KCNIP4: variants seen among roughly 807,000 people sequenced by gnomAD.
KCNIP4 encodes Kv channel-interacting protein 4.
In KCNIP4, 12 loss-of-function variants were observed where a neutral mutation model predicts 34.0. The ratio of observed to expected loss-of-function variants is 0.35; its 90% CI spans 0.23 to 0.57. The LOEUF (loss-of-function observed/expected upper bound fraction) is 0.57. KCNIP4 is among the 20% of genes least tolerant of loss of function. The probability of loss-of-function intolerance (pLI) is 0.83; values close to 1 mark genes in which losing one functional copy is unlikely to be tolerated. For synonymous variants in KCNIP4, 124 were observed against 102.2 expected, an observed-to-expected ratio of 1.21 and a Z score of -1.29; for missense variants, 238 against 311.7, an observed-to-expected ratio of 0.76 and a Z score of 1.78.
intron 1 of KCNIP4, among the ~76,000 whole-genome samples, chr4:21,087,065 C>T (rs555921353): frequency 3.3e-5 from 5 of 151,064 alleles, no homozygotes; most frequent in Admixed American, 3.3e-4. Flanking sequence ...CTGCAACCTC[C>T]ACCTCCCTGA....
At chr4:20,844,211 A>T (rs538368779) in intron 3 of KCNIP4, among the ~76,000 whole-genome samples, 42 of 152,308 alleles carry the variant, frequency 2.8e-4, no homozygotes, top group Non-Finnish European at 5.0e-4. Flanking sequence ...CAGTCTATGG[A>T]AGTCAAAAGG....
intron 1 of KCNIP4, among the ~76,000 whole-genome samples, chr4:21,715,856 G>A (rs1714335962): frequency 6.6e-6 from 1 of 151,940 alleles, no homozygotes; most frequent in Non-Finnish European, 1.5e-5. Context: ...TCTTTTCTTT[G>A]TGCTTCTGAT....
chr4:21,334,055 C>A (rs1190662476), intron 1 of KCNIP4, among the ~76,000 whole-genome samples: 5 of 151,988 alleles, frequency 3.3e-5, no homozygotes, highest in Admixed American at 2.6e-4. Context: ...TTTAAGAAAC[C>A]AGCTACAAAA....
chr4:21,882,675 G>GGCT (rs1233477177), intron 1 of KCNIP4, among the ~76,000 whole-genome samples: 2 of 152,054 alleles, frequency 1.3e-5, no homozygotes, highest in Non-Finnish European at 2.9e-5. Context: ...TCTTTCAAGT[G>GGCT]GCTGCGTCCC....
At chr4:21,870,675 A>G (rs1725735470) in intron 1 of KCNIP4, among the ~76,000 whole-genome samples, 1 of 152,158 alleles carries the variant, frequency 6.6e-6, no homozygotes, top group Non-Finnish European at 1.5e-5. Flanking sequence ...TTTGTTTTCC[A>G]ATAAGCTTCT....
chr4:20,848,201 A>G (rs1057061183), intron 3 of KCNIP4, among the ~76,000 whole-genome samples: 1 of 152,156 alleles, frequency 6.6e-6, no homozygotes, highest in Non-Finnish European at 1.5e-5. Context: ...GGCCTTTGGC[A>G]TATTCAGGTC....
At chr4:20,792,609 A>G (rs1712919058) in intron 3 of KCNIP4, among the ~76,000 whole-genome samples, 3 of 152,242 alleles carry the variant, frequency 2.0e-5, no homozygotes, top group Admixed American at 2.0e-4. Flanking sequence ...ACTCTGTGTT[A>G]GTCAAAAGAC....
chr4:21,173,767 C>G (rs17513440), intron 1 of KCNIP4, among the ~76,000 whole-genome samples: 1 of 151,900 alleles, frequency 6.6e-6, no homozygotes. Context: ...GCAGAACTGT[C>G]GGGCAGACTT....
At chr4:20,963,353 A>T (rs1389133933) in intron 1 of KCNIP4, among the ~76,000 whole-genome samples, 1 of 151,912 alleles carries the variant, frequency 6.6e-6, no homozygotes, top group Non-Finnish European at 1.5e-5. Context: ...AACAACAAAA[A>T]AAGAAAGTAT....
chr4:21,450,317 A>G (rs111295766), intron 1 of KCNIP4, among the ~76,000 whole-genome samples: 9 of 152,318 alleles, frequency 5.9e-5, no homozygotes, highest in African/African-American at 2.2e-4. Flanking sequence ...TTGCTTTAAA[A>G]TTCATTTCAG....
At chr4:21,679,438 C>T (rs1364512911) in intron 1 of KCNIP4, among the ~76,000 whole-genome samples, 1 of 151,634 alleles carries the variant, frequency 6.6e-6, no homozygotes, top group Non-Finnish European at 1.5e-5. Context: ...TGAATCCTAG[C>T]AATGCATTCA....
chr4:21,270,296 T>C (rs1202510614), intron 1 of KCNIP4, among the ~76,000 whole-genome samples: 4 of 152,108 alleles, frequency 2.6e-5, no homozygotes, highest in Admixed American at 6.6e-5. Flanking sequence ...AGGTATGAGG[T>C]ACCAGCCATT....
chr4:21,596,196 T>A (rs1401329545), intron 1 of KCNIP4, among the ~76,000 whole-genome samples: 3 of 152,140 alleles, frequency 2.0e-5, no homozygotes, highest in Non-Finnish European at 4.4e-5. Context: ...GCAAATTGGC[T>A]TATAATTATA....
At chr4:20,799,465 C>T (rs1713933227) in intron 3 of KCNIP4, among the ~76,000 whole-genome samples, 1 of 152,172 alleles carries the variant, frequency 6.6e-6, no homozygotes, top group Non-Finnish European at 1.5e-5. Context: ...CCCAGGAAAT[C>T]ACAGGAGCTG....
At chr4:20,982,762 C>T (rs1392334376) in intron 1 of KCNIP4, among the ~76,000 whole-genome samples, 1 of 152,178 alleles carries the variant, frequency 6.6e-6, no homozygotes, top group Non-Finnish European at 1.5e-5. Context: ...GTCATCATAG[C>T]TATCAGGTCT....
intron 1 of KCNIP4, among the ~76,000 whole-genome samples, chr4:21,900,305 AC>A (rs1290479563): frequency 6.6e-6 from 1 of 152,210 alleles, no homozygotes; most frequent in Non-Finnish European, 1.5e-5. Flanking sequence ...AACAGAAAAA[AC>A]AATCATGTAA....
At chr4:21,893,326 T>TA (rs1473358138) in intron 1 of KCNIP4, among the ~76,000 whole-genome samples, 1 of 152,206 alleles carries the variant, frequency 6.6e-6, no homozygotes, top group Non-Finnish European at 1.5e-5. Context: ...TCCCTCCACT[T>TA]ACGAAATGAA....
chr4:20,948,909 T>C lies in KCNIP4; in HGVS notation c.62-66200A>G, dbSNP rs550031315. ...CCTTTTTCTCACAAGAAGGAACTTA[T>C]GGGCCTTTACAGAATACATTTCAAG... On this transcript the variant is annotated intron_variant, in intron 1 of 8. Coordinates refer to ENST00000382152, the MANE Select transcript of KCNIP4 (RefSeq NM_025221.6). Among the ~76,000 whole-genome samples, 23 of 152,340 alleles carry C rather than the reference T, an allele frequency of 1.5e-4. No individual in the cohort carries two copies. In the South Asian group the frequency reaches 3.9e-3, roughly 26 times the overall value.
intron 1 of KCNIP4, chr4:21,316,631 G>T (rs1426912008): frequency 6.6e-6 from 1 of 152,184 alleles, no homozygotes; most frequent in Non-Finnish European, 1.5e-5. Flanking sequence ...TGGCACTAAT[G>T]TGTGAAGGCT....
Sources: gnomAD v4.1 joint callset for allele counts (sites outside exome capture counted in the v4.1 genomes callset) on GRCh38, gnomAD v4.1.1 for gene constraint, MANE v1.5 for transcripts, NCBI Gene and HGNC (gene_info 2026-07-23, HGNC 2026-07-21) for gene names.